GABRG3: variants seen among roughly 807,000 people sequenced by gnomAD.
GABRG3 encodes gamma-aminobutyric acid type A receptor subunit gamma3.
In GABRG3, 25 loss-of-function variants were observed where a neutral mutation model predicts 48.8. That is an observed-to-expected ratio of 0.51 (90% CI 0.37 to 0.72). The LOEUF (loss-of-function observed/expected upper bound fraction) is 0.72. Among genes scored for constraint, GABRG3 ranks in the 30% least tolerant of loss-of-function variants. The pLI is 0.00. For synonymous variants in GABRG3, 227 were observed against 217.6 expected (o/e 1.04, Z -0.38); for missense variants, 394 against 577.9 (o/e 0.68, Z 3.26).
intron 5 of GABRG3, among the ~76,000 whole-genome samples, chr15:27,411,987 T>G (rs1318666167): frequency 6.6e-6 from 1 of 152,140 alleles, no homozygotes; most frequent in Non-Finnish European, 1.5e-5. Context: ...TTTTGCATTT[T>G]TGTAAATTAT....
At position 27,538,831 on chromosome 15, in the gene GABRG3, A is replaced by T. The variant is rs1258516349; in HGVS notation, c.*5950A>T. ...TTCTCCCAGTTGCCTCACTTACTGA[A>T]GTTCGATCCCAGTGAATGATGTGTA... On this transcript the variant is annotated 3_prime_UTR_variant, in exon 10 of 10. Coordinates refer to ENST00000615808, the MANE Select transcript of GABRG3 (RefSeq NM_033223.5). 1 of 152,170 alleles carries T rather than the reference A, an allele frequency of 6.6e-6. No individual in the cohort carries two copies. The highest frequency in any genetic ancestry group is 2.4e-5 in the African/African-American group (1 of 41,438). The allele number at this position is 152,170 out of a possible 1,614,324, so 9.4% of individuals were successfully genotyped here. A position where few individuals can be genotyped will look rare whatever the true frequency, so the allele number is the denominator to read the frequency against.
At chr15:27,162,007 C>CGGCCGGGCGCGGTGGCTCACGCCTGTA (rs1887209890) in intron 3 of GABRG3, among the ~76,000 whole-genome samples, 1 of 152,138 alleles carries the variant, frequency 6.6e-6, no homozygotes, top group African/African-American at 2.4e-5. Flanking sequence ...AATAAACTTA[C>CGGCCGGGCGCGGTGGCTCACGCCTGTA]ACATACACTA....
chr15:27,308,446 C>A (rs1566774170), intron 3 of GABRG3, among the ~76,000 whole-genome samples: 1 of 141,964 alleles, frequency 7.0e-6, no homozygotes, highest in Non-Finnish European at 1.5e-5. Flanking sequence ...TTTATATAAA[C>A]ATATGCAAAC....
At chr15:27,055,664 T>G (rs1257032586) in intron 3 of GABRG3, among the ~76,000 whole-genome samples, 4 of 152,230 alleles carry the variant, frequency 2.6e-5, no homozygotes, top group African/African-American at 9.6e-5. Context: ...CTGTTTATAC[T>G]TGGTTTCCAT....
intron 3 of GABRG3, among the ~76,000 whole-genome samples, chr15:27,110,709 C>T (rs1326070799): frequency 6.6e-6 from 1 of 151,944 alleles, no homozygotes; most frequent in Non-Finnish European, 1.5e-5. Context: ...CCTTCACTCT[C>T]TTCTTGCTTG....
Position 27,268,365 on chromosome 15 carries a change from A to T in GABRG3, c.271-58444A>T, listed in dbSNP as rs111683184. 3.5e-4 allele frequency among the ~76,000 whole-genome samples: 54 copies of T among 152,328 alleles called. 1 individual carries two copies. The highest frequency in any genetic ancestry group is 1.2e-3 in the African/African-American group (50 of 41,576). The stretch of plus-strand genomic sequence containing the variant: ...TTATTCTCCTCTTAATATAAGTAGA[A>T]TCTATGGTAATGTCACCTCTTCTGG... On this transcript the variant is annotated intron_variant, in intron 3 of 9. Transcript: ENST00000615808.
intron 3 of GABRG3, among the ~76,000 whole-genome samples, chr15:27,168,467 T>G (rs112814237): frequency 0.011 from 1,657 of 152,274 alleles, 26 homozygotes; most frequent in African/African-American, 0.038. Context: ...CTTAGGACTC[T>G]TGTATCATCT....
At chr15:27,351,394 ATATGTGTGTATAGTGTTTGTGTGTGTG>A (rs1161792141) in intron 5 of GABRG3, among the ~76,000 whole-genome samples, 1 of 109,842 alleles carries the variant, frequency 9.1e-6, no homozygotes, top group African/African-American at 3.7e-5. Flanking sequence ...TGTGTATGGT[ATATGTGTGTATAGTGTTTGTGTGTGTG>A]TATGTGTGTA....
intron 6 of GABRG3, among the ~76,000 whole-genome samples, chr15:27,501,438 T>G (rs8027313): frequency 6.6e-6 from 1 of 151,992 alleles, no homozygotes. Context: ...CAGGTTAGTC[T>G]TCGAGGCTGC....
chr15:27,184,096 A>G (rs942759073), intron 3 of GABRG3, among the ~76,000 whole-genome samples: 1 of 152,256 alleles, frequency 6.6e-6, no homozygotes, highest in African/African-American at 2.4e-5. Context: ...TCCAACTTAT[A>G]TAACATCTTC....
intron 3 of GABRG3, among the ~76,000 whole-genome samples, chr15:27,078,636 C>T (rs1448419708): frequency 6.6e-6 from 1 of 152,188 alleles, no homozygotes; most frequent in Non-Finnish European, 1.5e-5. Context: ...TCACTGGTCA[C>T]CGCCCAGGGG....
At chr15:27,092,814 A>G (rs1022779156) in intron 3 of GABRG3, among the ~76,000 whole-genome samples, 2 of 152,146 alleles carry the variant, frequency 1.3e-5, no homozygotes, top group African/African-American at 4.8e-5. Context: ...ACAGAAGTCC[A>G]TCAAACAGCA....
chr15:27,124,023 G>A (rs947100440), intron 3 of GABRG3, among the ~76,000 whole-genome samples: 2 of 152,150 alleles, frequency 1.3e-5, no homozygotes, highest in African/African-American at 4.8e-5. Context: ...CGCTTTAGTG[G>A]GCTGAATTAA....
chr15:27,500,841 T>TA (rs56087210), intron 6 of GABRG3, among the ~76,000 whole-genome samples: 75,749 of 148,440 alleles, frequency 0.51, 19,555 homozygotes, highest in East Asian at 0.67. Context: ...TATTTGCTGT[T>TA]AAAAAAAAAA....
intron 6 of GABRG3, among the ~76,000 whole-genome samples, chr15:27,490,239 G>A (rs2150848823): frequency 6.6e-6 from 1 of 152,294 alleles, no homozygotes; most frequent in African/African-American, 2.4e-5. Flanking sequence ...AACTCACACA[G>A]GCATGTAGCT....
Position 27,153,062 on chromosome 15 carries a change from G to A in GABRG3, c.270+126241G>A, listed in dbSNP as rs575173945. On this transcript the variant is annotated intron_variant, in intron 3 of 9. Transcript: ENST00000615808. The stretch of plus-strand genomic sequence containing the variant: ...TTTTTAGTAGAGACGGGGTTTCACA[G>A]AGTTAGACCAGGATGGTCTCGATCT... Among the ~76,000 whole-genome samples, 120 of 152,120 alleles carry A rather than the reference G, an allele frequency of 7.9e-4. 5 individuals carry two copies. In the South Asian group the frequency reaches 0.024, roughly 30 times the overall value.
intron 5 of GABRG3, among the ~76,000 whole-genome samples, chr15:27,458,570 G>C (rs1566849823): frequency 6.6e-6 from 1 of 152,166 alleles, no homozygotes; most frequent in African/African-American, 2.4e-5. Flanking sequence ...TCATTATCCA[G>C]CTGAGAGGCA....
intron 3 of GABRG3, among the ~76,000 whole-genome samples, chr15:27,200,819 C>T (rs1442349715): frequency 6.6e-6 from 1 of 152,130 alleles, no homozygotes; most frequent in Non-Finnish European, 1.5e-5. Flanking sequence ...CCGTGGGTTA[C>T]AGTCTTCACT....
intron 1 of GABRG3, among the ~76,000 whole-genome samples, chr15:26,972,601 G>T (rs1019015350): frequency 6.6e-6 from 1 of 152,156 alleles, no homozygotes; most frequent in Non-Finnish European, 1.5e-5. Context: ...CATTTCCTGG[G>T]TCTGGGAGCT....
Sources: gnomAD v4.1 joint callset for allele counts (sites outside exome capture counted in the v4.1 genomes callset) on GRCh38, gnomAD v4.1.1 for gene constraint, MANE v1.5 for transcripts, NCBI Gene and HGNC (gene_info 2026-07-23, HGNC 2026-07-21) for gene names.